The following CTNNA3 variants were observed in gnomAD, a reference collection of about 807,000 sequenced individuals.
CTNNA3 encodes the protein catenin alpha-3.
A neutral mutation model predicts 95.7 loss-of-function variants in CTNNA3; 76 were observed. The ratio of observed to expected loss-of-function variants is 0.79; its 90% CI spans 0.66 to 0.96. CTNNA3 has a LOEUF of 0.96. Ranked by LOEUF, CTNNA3 falls within the 40% of genes least tolerant of loss-of-function variation. The pLI, the probability that CTNNA3 is intolerant of heterozygous loss-of-function variation, is 0.00. For synonymous variants in CTNNA3, 431 were observed against 374.4 expected (o/e 1.15, Z -1.74); for missense variants, 1,191 against 1,089.8 (o/e 1.09, Z -1.31).
intron 7 of CTNNA3, among the ~76,000 whole-genome samples, chr10:66,861,858 T>C (rs1052665575): frequency 6.6e-6 from 1 of 152,212 alleles, no homozygotes; most frequent in Non-Finnish European, 1.5e-5. Context: ...CTTAAATGTA[T>C]GTATATCTCA....
chr10:66,114,774 G>A (rs2082259053), intron 13 of CTNNA3, among the ~76,000 whole-genome samples: 1 of 151,644 alleles, frequency 6.6e-6, no homozygotes, highest in Non-Finnish European at 1.5e-5. Context: ...AGCTTCTCGG[G>A]AGGCTGAAGC....
At chr10:67,160,574 C>G (rs1861495734) in intron 7 of CTNNA3, among the ~76,000 whole-genome samples, 1 of 151,662 alleles carries the variant, frequency 6.6e-6, no homozygotes, top group African/African-American at 2.4e-5. Context: ...AGAGCTGGGA[C>G]CACAGGGGTG....
chr10:65,997,326 C>T (rs569816220), intron 15 of CTNNA3, among the ~76,000 whole-genome samples: 22 of 152,300 alleles, frequency 1.4e-4, no homozygotes, highest in African/African-American at 2.4e-4. Flanking sequence ...ACTGAAATGA[C>T]GTGATATCTG....
At chr10:67,362,205 C>G (rs908085223) in intron 5 of CTNNA3, among the ~76,000 whole-genome samples, 1 of 152,018 alleles carries the variant, frequency 6.6e-6, no homozygotes, top group African/African-American at 2.4e-5. Flanking sequence ...AAAAGAGCTG[C>G]TACCAATCCT....
chr10:66,458,269 C>T (rs780451066), intron 11 of CTNNA3, among the ~76,000 whole-genome samples: 14 of 152,126 alleles, frequency 9.2e-5, no homozygotes, highest in South Asian at 4.1e-4. Context: ...TCATGGCATA[C>T]TACTCAGCTC....
intron 7 of CTNNA3, among the ~76,000 whole-genome samples, chr10:67,022,337 G>T (rs1853071853): frequency 6.6e-6 from 1 of 152,094 alleles, no homozygotes; most frequent in Non-Finnish European, 1.5e-5. Context: ...ATGCCTCTGT[G>T]TGTGTGTGTG....
chr10:67,336,386 A>C (rs943990591), intron 5 of CTNNA3, among the ~76,000 whole-genome samples: 1 of 152,210 alleles, frequency 6.6e-6, no homozygotes, highest in Non-Finnish European at 1.5e-5. Context: ...AGAAGTAAGG[A>C]AGCTTCAGAA....
intron 2 of CTNNA3, among the ~76,000 whole-genome samples, chr10:67,617,702 T>G (rs1212559178): frequency 6.6e-6 from 1 of 152,216 alleles, no homozygotes; most frequent in Non-Finnish European, 1.5e-5. Flanking sequence ...ATGGTTGAAC[T>G]AACTTACATT....
At chr10:67,608,219 C>T (rs540754391) in intron 2 of CTNNA3, among the ~76,000 whole-genome samples, 1 of 152,226 alleles carries the variant, frequency 6.6e-6, no homozygotes, top group East Asian at 1.9e-4. Flanking sequence ...AACCACTGTT[C>T]TATATGATTC....
chr10:67,728,006 G>A (rs1841251004), intron 1 of CTNNA3, among the ~76,000 whole-genome samples: 1 of 134,758 alleles, frequency 7.4e-6, no homozygotes, highest in African/African-American at 2.8e-5. Flanking sequence ...TGTATATTAT[G>A]TATTATATAT....
At chr10:66,335,869 G>A (rs867301774) in intron 12 of CTNNA3, among the ~76,000 whole-genome samples, 1 of 152,086 alleles carries the variant, frequency 6.6e-6, no homozygotes, top group Non-Finnish European at 1.5e-5. Context: ...GAGCTGTGGT[G>A]GGCTCCACCC....
At chr10:66,467,014 A>G (rs1048290828) in intron 11 of CTNNA3, among the ~76,000 whole-genome samples, 1 of 152,092 alleles carries the variant, frequency 6.6e-6, no homozygotes, top group African/African-American at 2.4e-5. Context: ...CAAGACTGGA[A>G]TCTGACCTAG....
chr10:66,553,323 TTATACTC>T (rs144263423), intron 10 of CTNNA3, among the ~76,000 whole-genome samples: 2,844 of 152,016 alleles, frequency 0.019, 96 homozygotes, highest in African/African-American at 0.064. Flanking sequence ...GGCATACACT[TTATACTC>T]TATATTTGTC....
At chr10:67,068,328 G>A (rs1176656253) in intron 7 of CTNNA3, among the ~76,000 whole-genome samples, 1 of 152,036 alleles carries the variant, frequency 6.6e-6, no homozygotes, top group East Asian at 1.9e-4. Context: ...TCAGGTAAAG[G>A]GAATAATAAA....
At chr10:67,580,769 T>C (rs1238837512) in intron 3 of CTNNA3, among the ~76,000 whole-genome samples, 1 of 152,166 alleles carries the variant, frequency 6.6e-6, no homozygotes, top group Non-Finnish European at 1.5e-5. Flanking sequence ...GAAGAGATCC[T>C]TCACATCCCT....
intron 1 of CTNNA3, among the ~76,000 whole-genome samples, chr10:67,726,391 T>TATATTATATATTATATCATATATA (rs1564841064): frequency 6.8e-5 from 2 of 29,484 alleles, no homozygotes; most frequent in Non-Finnish European, 1.2e-4. Flanking sequence ...TGAAATTATA[T>TATATTATATATTATATCATATATA]ATATTATATA....
At chr10:65,953,270 T>G (rs752048630) in intron 17 of CTNNA3, among the ~76,000 whole-genome samples, 2 of 152,150 alleles carry the variant, frequency 1.3e-5, no homozygotes, top group Admixed American at 1.3e-4. Flanking sequence ...AGAGTTATAT[T>G]TTTTATTCTA....
chr10:67,487,742 C>T (rs975807487), intron 5 of CTNNA3, among the ~76,000 whole-genome samples: 6 of 152,128 alleles, frequency 3.9e-5, no homozygotes, highest in African/African-American at 1.4e-4. Flanking sequence ...CCCATTCCTG[C>T]AGGAAGAGCA....
chr10:67,006,501 T>A lies in CTNNA3; in HGVS notation c.1047+173816A>T, dbSNP rs530981417. Among the ~76,000 whole-genome samples, 109 of 150,292 alleles carry A rather than the reference T, an allele frequency of 7.3e-4. 2 individuals carry two copies. The South Asian group carries it at 0.019, about 26-fold the overall frequency. On this transcript the variant is annotated intron_variant, in intron 7 of 17. Transcript: ENST00000433211. ...TTATTCAACTTCTATTTCCAAAAAC[T>A]TAGCTTTTTCCTGGGACAAATCCCC...
Sources: gnomAD v4.1 joint callset for allele counts (sites outside exome capture counted in the v4.1 genomes callset) on GRCh38, gnomAD v4.1.1 for gene constraint, MANE v1.5 for transcripts, NCBI Gene and HGNC (gene_info 2026-07-23, HGNC 2026-07-21) for gene names.